Variants in GGTA1 observed in about 807,000 individuals in gnomAD.
The protein encoded by GGTA1 is inactive N-acetyllactosaminide alpha-1,3-galactosyltransferase.
GGTA1 carries 5 observed loss-of-function variants against 2.6 expected under a neutral mutation model. The ratio of observed to expected loss-of-function variants is 1.92; its 90% CI spans 1.00 to 4.04. The LOEUF is 4.04. Among genes scored for constraint, GGTA1 ranks in the 30% most tolerant of loss-of-function variants. GGTA1 has a pLI of 0.00. For missense variants in GGTA1, 50 were observed against 16.7 expected, an observed-to-expected ratio of 2.99 and a Z score of -3.47; for synonymous variants, 17 against 5.0, an observed-to-expected ratio of 3.38 and a Z score of -3.19.
chr9:121,460,170 T>C lies in GGTA1; in HGVS notation c.232A>G (p.Arg78Gly), dbSNP rs1319337501. 2.2e-6 allele frequency: 1 copy of C among 457,040 alleles called. No individual in the cohort carries two copies. Among genetic ancestry groups the C allele is most frequent in the East Asian group, 6.9e-5 (1 of 14,396 alleles). 28.3% of individuals were successfully genotyped at this position (457,040 alleles called of 1,614,324 possible). ...GEEDIDKEKG[R>G]EETKGRKMTQ... ...ATTTTCCTTCCTTTGGTCTCCTCTC[T>C]TCCTTTTTCTTTGTCTATGTCTTCT... The change falls in exon 5 of 6, where the codon AGA becomes GGA. Residue 78 changes from arginine to glycine, a missense_variant. Arg to Gly is a moderately radical substitution (Grantham distance 125). Coordinates refer to ENST00000481799, the MANE Select transcript of GGTA1 (RefSeq NM_001382585.1).
At chr9:121,463,962 G>A (rs1319197657) in intron 2 of GGTA1, among the ~76,000 whole-genome samples, 2 of 152,204 alleles carry the variant, frequency 1.3e-5, no homozygotes, top group African/African-American at 4.8e-5. Context: ...AATGAAGGCA[G>A]TGAGACTCTT....
At chr9:121,486,504 C>T (rs1195912610) in intron 1 of GGTA1, among the ~76,000 whole-genome samples, 1 of 152,222 alleles carries the variant, frequency 6.6e-6, no homozygotes, top group Non-Finnish European at 1.5e-5. Context: ...GAAGGCCCCA[C>T]AACCCTCTGG....
rs1025333278 is a variant in GGTA1 at position 121,467,867 on chromosome 9, A to G, written c.56T>C (p.Ile19Thr). The change falls in exon 2 of 6, where the codon ATT becomes ACT. Residue 19 changes from isoleucine to threonine, a missense_variant. Ile to Thr is a moderately conservative substitution (Grantham distance 89). Coordinates refer to ENST00000481799, the MANE Select transcript of GGTA1 (RefSeq NM_001382585.1). ...LSMLVVSTVI[I>T]VFWEFINSTE... is the part of the protein sequence containing the mutation. The stretch of plus-strand genomic sequence containing the variant: ...CCTGTTGATAAATTCCCAAAACACA[A>G]TGATCACAGTTGAGACAACCAGCAT... 7 of 456,096 alleles carry G rather than the reference A, an allele frequency of 1.5e-5. No homozygotes were observed. Among genetic ancestry groups the G allele is most frequent in the Non-Finnish European group, 2.6e-5 (6 of 226,872 alleles). 28.3% of individuals were successfully genotyped at this position (456,096 alleles called of 1,614,324 possible).
chr9:121,460,363 T>A, intron 4 of GGTA1, 144 bp from the exon 5 acceptor site: 2 of 370,988 alleles, frequency 5.4e-6, no homozygotes, highest in Non-Finnish European at 5.3e-6. Flanking sequence ...CTCTAGGCAC[T>A]AAGCGTTTAT....
intron 1 of GGTA1, among the ~76,000 whole-genome samples, chr9:121,483,213 C>T (rs976905698): frequency 1.3e-5 from 2 of 152,100 alleles, no homozygotes; most frequent in African/African-American, 2.4e-5. Flanking sequence ...CAAAGGTCAA[C>T]ATACAGAGGC....
chr9:121,460,042 G>A (rs2064946524), intron 5 of GGTA1, 62 bp downstream of exon 5: 1 of 449,204 alleles, frequency 2.2e-6, no homozygotes, highest in Non-Finnish European at 4.5e-6. Flanking sequence ...TGCCTCCACT[G>A]CCACACCACC....
intron 4 of GGTA1, among the ~76,000 whole-genome samples, chr9:121,460,853 TAAAA>T (rs2064955016): frequency 6.7e-6 from 1 of 150,214 alleles, no homozygotes; most frequent in Non-Finnish European, 1.5e-5. Context: ...CTCAAAAAAA[TAAAA>T]ATAAATAAAT....
intron 1 of GGTA1, among the ~76,000 whole-genome samples, chr9:121,497,455 G>A (rs2118788913): frequency 6.6e-6 from 1 of 152,178 alleles, no homozygotes; most frequent in South Asian, 2.1e-4. Context: ...AGCCAGAACT[G>A]CATTCAAATC....
chr9:121,466,335 T>A (rs1316191265), intron 2 of GGTA1, among the ~76,000 whole-genome samples: 1 of 152,190 alleles, frequency 6.6e-6, no homozygotes, highest in Non-Finnish European at 1.5e-5. Context: ...CAGCCCTCAG[T>A]TGCCTAAGAG....
chr9:121,486,596 G>T (rs542282062), intron 1 of GGTA1, among the ~76,000 whole-genome samples: 65 of 152,322 alleles, frequency 4.3e-4, no homozygotes, highest in African/African-American at 1.5e-3. Context: ...TTGTGCGGGT[G>T]GCACGCTGCT....
At chr9:121,467,639 A>C (rs1041169623) in intron 2 of GGTA1, among the ~76,000 whole-genome samples, 4 of 152,212 alleles carry the variant, frequency 2.6e-5, no homozygotes, top group Non-Finnish European at 5.9e-5. Context: ...AGGAAGGAAG[A>C]TAAGTAGTTA....
intron 5 of GGTA1, among the ~76,000 whole-genome samples, chr9:121,456,245 G>A (rs1372947119): frequency 2.0e-5 from 3 of 152,192 alleles, no homozygotes; most frequent in Admixed American, 6.5e-5. Flanking sequence ...TTCCTTCCAC[G>A]TAGGACATGC....
chr9:121,470,898 C>T (rs1049818659), intron 1 of GGTA1, among the ~76,000 whole-genome samples: 5 of 152,228 alleles, frequency 3.3e-5, no homozygotes, highest in African/African-American at 4.8e-5. Flanking sequence ...CTTCAGTCTC[C>T]CGCATAGCGG....
chr9:121,479,431 C>A, intron 1 of GGTA1: 1 of 270,748 alleles, frequency 3.7e-6, no homozygotes, highest in Non-Finnish European at 7.3e-6. Context: ...GGGAAACGAG[C>A]TGTTTATCAG....
chr9:121,497,379 A>AT (rs34007548), intron 1 of GGTA1, among the ~76,000 whole-genome samples: 4 of 152,024 alleles, frequency 2.6e-5, no homozygotes, highest in African/African-American at 9.7e-5. Context: ...TCTCCATGAC[A>AT]TTTGTCCATT....
At chr9:121,467,429 G>T (rs979231726) in intron 2 of GGTA1, among the ~76,000 whole-genome samples, 5 of 152,104 alleles carry the variant, frequency 3.3e-5, no homozygotes, top group Non-Finnish European at 5.9e-5. Flanking sequence ...AACAACTTAA[G>T]TTGCTCCTTT....
chr9:121,475,561 A>G (rs796281418), intron 1 of GGTA1, among the ~76,000 whole-genome samples: 4 of 152,272 alleles, frequency 2.6e-5, no homozygotes, highest in African/African-American at 9.6e-5. Flanking sequence ...ATGAGTAAGG[A>G]GAGTTCTGAG....
chr9:121,493,124 ACT>A (rs1343795447), intron 1 of GGTA1, among the ~76,000 whole-genome samples: 2 of 148,150 alleles, frequency 1.3e-5, no homozygotes, highest in Admixed American at 6.8e-5. Context: ...ACGGAACGAG[ACT>A]CTGTCTCCAA....
intron 1 of GGTA1, among the ~76,000 whole-genome samples, chr9:121,494,008 T>C (rs1029405902): frequency 2.0e-5 from 3 of 152,088 alleles, no homozygotes; most frequent in Non-Finnish European, 4.4e-5. Context: ...CTGCCCGCCT[T>C]GGCCTCCCAG....
Sources: gnomAD v4.1 joint callset for allele counts (sites outside exome capture counted in the v4.1 genomes callset) on GRCh38, gnomAD v4.1.1 for gene constraint, MANE v1.5 for transcripts, NCBI Gene and HGNC (gene_info 2026-07-23, HGNC 2026-07-21) for gene names.